Variants in NIPSNAP2 observed in about 807,000 individuals in gnomAD.
NIPSNAP2 encodes the protein protein NipSnap homolog 2.
NIPSNAP2 carries 42 observed loss-of-function variants against 48.4 expected under a neutral mutation model. That is an observed-to-expected ratio of 0.87 (90% CI 0.68 to 1.12). The LOEUF is 1.12. NIPSNAP2 is among the 50% of genes most tolerant of loss of function. NIPSNAP2 has a pLI of 0.00. For missense variants in NIPSNAP2, 314 were observed against 347.3 expected, an observed-to-expected ratio of 0.90 and a Z score of 0.76; for synonymous variants, 158 against 126.6, an observed-to-expected ratio of 1.25 and a Z score of -1.67.
intron 8 of NIPSNAP2, 75 bp downstream of exon 8, chr7:55,995,063 T>C (rs1437966689): frequency 2.4e-6 from 3 of 1,241,424 alleles, no homozygotes; most frequent in Admixed American, 3.4e-5. Context: ...GTAGAGCACA[T>C]CTTGAGTCAG....
At chr7:55,978,306 C>A (rs1385642317) in intron 2 of NIPSNAP2, 41 bp downstream of exon 2, 1 of 1,612,550 alleles carries the variant, frequency 6.2e-7, no homozygotes, top group East Asian at 2.2e-5. Flanking sequence ...GACTTTTTTT[C>A]CCCTTTGTTC....
chr7:55,989,691 T>A (rs1208869600), intron 7 of NIPSNAP2, among the ~76,000 whole-genome samples: 1 of 152,144 alleles, frequency 6.6e-6, no homozygotes, highest in Non-Finnish European at 1.5e-5. Context: ...CTGAAGTCAG[T>A]GCCTAGGACA....
chr7:55,969,597 C>G (rs535418879), intron 1 of NIPSNAP2, among the ~76,000 whole-genome samples: 1 of 152,238 alleles, frequency 6.6e-6, no homozygotes, highest in Non-Finnish European at 1.5e-5. Flanking sequence ...GTCTGTCTGC[C>G]CTCACCAGCA....
chr7:55,973,461 AT>A (rs1228301953), intron 1 of NIPSNAP2, among the ~76,000 whole-genome samples: 2 of 151,344 alleles, frequency 1.3e-5, no homozygotes, highest in African/African-American at 2.4e-5. Flanking sequence ...TTTTTAATTT[AT>A]TTTATTTTAT....
At chr7:55,991,207 C>G (rs1787437365) in intron 7 of NIPSNAP2, among the ~76,000 whole-genome samples, 1 of 152,166 alleles carries the variant, frequency 6.6e-6, no homozygotes, top group Admixed American at 6.5e-5. Context: ...AACCTTTCCT[C>G]CTTAGATCAT....
At chr7:55,982,324 A>G in intron 5 of NIPSNAP2, 44 bp downstream of exon 5, 1 of 1,085,362 alleles carries the variant, frequency 9.2e-7, no homozygotes, top group Non-Finnish European at 1.4e-6. Flanking sequence ...TGATATATAG[A>G]TGTTAGTACA....
Position 55,999,015 on chromosome 7 carries a change from T to C in NIPSNAP2, c.804T>C (p.Leu268=), listed in dbSNP as rs761171556. ...WEELVYYTVP[L]IQEMESRIMI... is the part of the protein sequence containing the mutation. Reference sequence around the variant, plus strand: ...CCCTGATCTTGTTTTCAGTTCCACTTATTCAGGAAATGGAATCCAGAATCA... The same window carrying C: ...CCCTGATCTTGTTTTCAGTTCCACTCATTCAGGAAATGGAATCCAGAATCA... Residue 268 remains leucine, a synonymous_variant, in exon 10 of 10, where the codon CTT becomes CTC. Coordinates refer to ENST00000322090, the MANE Select transcript of NIPSNAP2 (RefSeq NM_001483.3). The C allele has an allele frequency of 3.7e-5, 59 of 1,613,876 alleles. No individual in the cohort carries two copies. Among genetic ancestry groups the C allele is most frequent in the Non-Finnish European group, 4.7e-5 (56 of 1,179,864 alleles).
At chr7:55,973,334 G>A (rs554617807) in intron 1 of NIPSNAP2, among the ~76,000 whole-genome samples, 64 of 152,130 alleles carry the variant, frequency 4.2e-4, no homozygotes, top group African/African-American at 1.5e-3. Flanking sequence ...AAGAAAAATT[G>A]CATTTACTGG....
chr7:55,965,704 C>T (rs1196285113), intron 1 of NIPSNAP2, among the ~76,000 whole-genome samples: 5 of 152,076 alleles, frequency 3.3e-5, no homozygotes, highest in African/African-American at 1.2e-4. Flanking sequence ...CCTCATCCTC[C>T]CAAGTAGCTG....
intron 3 of NIPSNAP2, chr7:55,978,672 CT>C (rs1787152178): frequency 7.5e-6 from 3 of 401,224 alleles, no homozygotes; most frequent in African/African-American, 6.1e-5. Context: ...AGTCCATCTA[CT>C]TATCCAGTGC....
chr7:55,981,480 G>A lies in NIPSNAP2; in HGVS notation c.286G>A (p.Val96Met). 6.2e-7 allele frequency: 1 copy of A among 1,613,244 alleles called. No homozygotes were observed. Among genetic ancestry groups the A allele is most frequent in the Non-Finnish European group, 8.5e-7 (1 of 1,179,422 alleles). Residue 96 changes from valine to methionine, a missense_variant, in exon 4 of 10, where the codon GTG becomes ATG. Coordinates refer to ENST00000322090, the MANE Select transcript of NIPSNAP2 (RefSeq NM_001483.3). ...LEAYNKICQEVLPKIHEDKHY... is the reference protein window; with the variant it reads ...LEAYNKICQEMLPKIHEDKHY... Reference sequence around the variant, plus strand: ...CTGTTTCTTCTCTTTAAGTCAAGAGGTGTTGCCAAAGATTCACGAAGATAA... The same window carrying A: ...CTGTTTCTTCTCTTTAAGTCAAGAGATGTTGCCAAAGATTCACGAAGATAA...
At chr7:55,994,632 G>A (rs944477547) in intron 7 of NIPSNAP2, among the ~76,000 whole-genome samples, 23 of 152,298 alleles carry the variant, frequency 1.5e-4, no homozygotes, top group African/African-American at 5.1e-4. Flanking sequence ...AGGATGGCTC[G>A]AACCCAGGAG....
chr7:55,979,949 C>T (rs1656966303), intron 3 of NIPSNAP2: 13 of 426,688 alleles, frequency 3.0e-5, no homozygotes, highest in South Asian at 2.0e-4. Context: ...GCTACAAATC[C>T]ATGCGTGACT....
chr7:55,987,790 G>C lies in NIPSNAP2; in HGVS notation c.617+2912G>C, dbSNP rs1787362218. On this transcript the variant is annotated intron_variant, in intron 7 of 9. Coordinates refer to ENST00000322090, the MANE Select transcript of NIPSNAP2 (RefSeq NM_001483.3). ...AGAAACAGAAAGTGGAAAGGTGGTT[G>C]CCGGGAGCTGGGCAGAGAGGGAATA... 2.6e-5 allele frequency among the ~76,000 whole-genome samples: 4 copies of C among 152,192 alleles called. No homozygotes were observed. The South Asian group carries it at 8.3e-4, about 31-fold the overall frequency.
At chr7:55,988,484 G>A (rs929220588) in intron 7 of NIPSNAP2, among the ~76,000 whole-genome samples, 1 of 152,072 alleles carries the variant, frequency 6.6e-6, no homozygotes, top group African/African-American at 2.4e-5. Context: ...AGTGAGGTGA[G>A]GAGAAAGTGG....
At chr7:55,998,649 C>T (rs1481224234) in intron 9 of NIPSNAP2, among the ~76,000 whole-genome samples, 3 of 151,786 alleles carry the variant, frequency 2.0e-5, no homozygotes, top group Admixed American at 6.6e-5. Context: ...TACAGGCAGG[C>T]GCCACCACAC....
At position 55,983,847 on chromosome 7, in the gene NIPSNAP2, A is replaced by G. The variant is rs901619690; in HGVS notation, c.564A>G (p.Glu188=). ...PVPRSGPNIY[E]LRSYQLRPGT... ...CAAGATCCGGACCTAATATATATGA[A>G]CTCAGGTCTTACCAACTCCGAGTAA... is the stretch of plus-strand genomic sequence containing the variant. Residue 188 remains glutamate (E), a synonymous_variant, in exon 6 of 10, where the codon GAA becomes GAG. Transcript: ENST00000322090. 1.1e-5 allele frequency: 18 copies of G among 1,613,630 alleles called. No homozygotes were observed. The highest frequency in any genetic ancestry group is 1.5e-5 in the Non-Finnish European group (18 of 1,179,876).
chr7:55,988,486 A>G (rs1787376347), intron 7 of NIPSNAP2, among the ~76,000 whole-genome samples: 1 of 152,104 alleles, frequency 6.6e-6, no homozygotes, highest in African/African-American at 2.4e-5. Flanking sequence ...TGAGGTGAGG[A>G]GAAAGTGGAC....
rs566376773 is a variant in NIPSNAP2, at chr7:55,975,952, G to T, written c.93-2174G>T. ...CTCAGGAGGCTGAGGCGGGAGAATC[G>T]CTTGAACCTGGGAGGTGGAGGTTGC... is the stretch of plus-strand genomic sequence containing the variant. On this transcript the variant is annotated intron_variant, in intron 1 of 9. Coordinates refer to ENST00000322090, the MANE Select transcript of NIPSNAP2 (RefSeq NM_001483.3). Among the ~76,000 whole-genome samples the T allele has an allele frequency of 1.1e-4, 17 of 152,248 alleles. No individual in the cohort carries two copies. In the South Asian group the frequency reaches 3.3e-3, roughly 30 times the overall value.
Sources: allele counts gnomAD v4.1 joint callset (sites outside exome capture counted in the v4.1 genomes callset), GRCh38; gene constraint gnomAD v4.1.1; transcripts MANE v1.5; gene names NCBI Gene and HGNC (gene_info 2026-07-23, HGNC 2026-07-21).